Variants in INHBA observed in about 807,000 individuals in gnomAD.
INHBA encodes inhibin subunit beta A.
Under a neutral mutation model 29.0 loss-of-function variants are expected in INHBA, and 1 was observed. That is an observed-to-expected ratio of 0.03 (90% CI 0.01 to 0.16). INHBA has a LOEUF of 0.16. Among genes scored for constraint, INHBA ranks in the 10% least tolerant of loss-of-function variants. The pLI, the probability that INHBA is intolerant of heterozygous loss-of-function variation, is 1.00. For synonymous variants in INHBA, 242 were observed against 216.8 expected, an observed-to-expected ratio of 1.12 and a Z score of -1.02; for missense variants, 376 against 545.4, an observed-to-expected ratio of 0.69 and a Z score of 3.09.
chr7:41,705,051 G>A (rs1794884951), upstream of INHBA, among the ~76,000 whole-genome samples: 1 of 152,120 alleles, frequency 6.6e-6, no homozygotes, highest in South Asian at 2.1e-4. Context: ...AAATCAAGGT[G>A]GGGGTGGTGG....
chr7:41,698,025 C>T (rs537032175), intron 2 of INHBA, among the ~76,000 whole-genome samples: 2 of 152,280 alleles, frequency 1.3e-5, no homozygotes, highest in African/African-American at 2.4e-5. Context: ...TTAAACTTGA[C>T]TCAATGTGAA....
At chr7:41,701,754 A>T (rs1328196030) in intron 1 of INHBA, among the ~76,000 whole-genome samples, 1 of 152,170 alleles carries the variant, frequency 6.6e-6, no homozygotes, top group African/African-American at 2.4e-5. Context: ...CTATGGGAAA[A>T]GACTCTCTAA....
rs1341109269 is a variant in INHBA, at chr7:41,686,198, TC to T, written c.*3451del. 6.6e-6 allele frequency: 1 copy of T among 152,132 alleles called. No homozygotes were observed. The highest frequency in any genetic ancestry group is 1.5e-5 in the Non-Finnish European group (1 of 68,006). 9.4% of individuals were successfully genotyped at this position (152,132 alleles called of 1,614,324 possible). On this transcript the variant is annotated 3_prime_UTR_variant, in exon 3 of 3. Transcript: ENST00000242208. ...TCTTCTGGGATAAGAAATTCCCAAC[TC>T]AGTGTGCTGAAATTCACCTGACTTT...
At chr7:41,695,886 G>A (rs1165382408) in intron 2 of INHBA, among the ~76,000 whole-genome samples, 4 of 152,064 alleles carry the variant, frequency 2.6e-5, no homozygotes, top group African/African-American at 9.7e-5. Context: ...AGCAGAAGAG[G>A]GGCCAAGACA....
chr7:41,690,830 T>C lies in INHBA; in HGVS notation c.389-288A>G, dbSNP rs575780007. 1.5e-4 allele frequency among the ~76,000 whole-genome samples: 23 copies of C among 152,374 alleles called. No homozygotes were observed. The South Asian group carries it at 4.3e-3, about 29-fold the overall frequency. On this transcript the variant is annotated intron_variant, in intron 2 of 2. Coordinates refer to ENST00000242208, the MANE Select transcript of INHBA (RefSeq NM_002192.4). ...ATAAAGTTTTGTTGGAGCATGGTTA[T>C]GCTCATTTCTGTACATGCTGCCTAT... is the stretch of plus-strand genomic sequence containing the variant.
Position 41,685,837 on chromosome 7 carries a change from A to T in INHBA, c.*3813T>A, listed in dbSNP as rs1794383942. ...GTGATACAGGGTTTAATTTAAACAC[A>T]TACAATGTCCACCCCCAAACCTTCT... On this transcript the variant is annotated 3_prime_UTR_variant, in exon 3 of 3. Coordinates refer to ENST00000242208, the MANE Select transcript of INHBA (RefSeq NM_002192.4). The T allele has an allele frequency of 6.6e-6, 1 of 152,188 alleles. No individual in the cohort carries two copies. The highest frequency in any genetic ancestry group is 1.9e-4 in the East Asian group (1 of 5,198). The allele number at this position is 152,188 out of a possible 1,614,324, so 9.4% of individuals were successfully genotyped here.
rs1398941035 is a variant in INHBA at position 41,687,272 on chromosome 7, T to G, written c.*2378A>C. The G allele has an allele frequency of 6.6e-6, 1 of 152,196 alleles. No individual in the cohort carries two copies. Among genetic ancestry groups the G allele is most frequent in the Non-Finnish European group, 1.5e-5 (1 of 68,028 alleles). The allele number at this position is 152,196 out of a possible 1,614,324, so 9.4% of individuals were successfully genotyped here. ...TTTGGTTTCTCACTGTTATCTTCCT[T>G]TCCTATAATTAATTTATTTTAATCT... On this transcript the variant is annotated 3_prime_UTR_variant, in exon 3 of 3. Coordinates refer to ENST00000242208, the MANE Select transcript of INHBA (RefSeq NM_002192.4).
At chr7:41,699,441 TAAATA>T (rs1372014632) in intron 2 of INHBA, among the ~76,000 whole-genome samples, 2 of 152,126 alleles carry the variant, frequency 1.3e-5, no homozygotes, top group Non-Finnish European at 2.9e-5. Context: ...CTGTCACTCA[TAAATA>T]TGCCCTGCTT....
rs373207829 is a variant in INHBA at position 41,699,291 on chromosome 7, T to G, written c.388+696A>C. 8.8e-4 allele frequency among the ~76,000 whole-genome samples: 133 copies of G among 151,802 alleles called. 1 individual carries two copies. The highest frequency in any genetic ancestry group is 3.1e-3 in the African/African-American group (128 of 41,430). ...AGAACAAAACTGGTTGTTTTATTTA[T>G]TTTTTTTTCTTTCAGAGAGCAAAAG... On this transcript the variant is annotated intron_variant, in intron 2 of 2. Coordinates refer to ENST00000242208, the MANE Select transcript of INHBA (RefSeq NM_002192.4).
intron 1 of INHBA, among the ~76,000 whole-genome samples, chr7:41,701,722 C>T (rs1794801113): frequency 6.6e-6 from 1 of 152,134 alleles, no homozygotes; most frequent in Non-Finnish European, 1.5e-5. Flanking sequence ...AGAGTGCACT[C>T]GTATGACTTG....
intron 2 of INHBA, 145 bp downstream of exon 2, chr7:41,699,842 C>A (rs1794732377): frequency 3.1e-6 from 2 of 647,312 alleles, no homozygotes; most frequent in Non-Finnish European, 2.6e-6. Flanking sequence ...GTCGGCTAGT[C>A]CGCTACCATC....
chr7:41,688,046 T>A lies in INHBA; in HGVS notation c.*1604A>T, dbSNP rs776101368. The A allele has an allele frequency of 9.9e-5, 15 of 152,164 alleles. No individual in the cohort carries two copies. The highest frequency in any genetic ancestry group is 1.5e-4 in the Non-Finnish European group (10 of 68,030). 9.4% of individuals were successfully genotyped at this position (152,164 alleles called of 1,614,324 possible). ...ACTGGAATTTCCAGGCTTTTTCCCA[T>A]CCGAATTTTTGAAATGCGCCCACCT... is the stretch of plus-strand genomic sequence containing the variant. On this transcript the variant is annotated 3_prime_UTR_variant, in exon 3 of 3. Transcript: ENST00000242208.
chr7:41,692,852 GAGA>G (rs575094050), intron 2 of INHBA, among the ~76,000 whole-genome samples: 87 of 152,308 alleles, frequency 5.7e-4, no homozygotes, highest in African/African-American at 2.1e-3. Flanking sequence ...CAAAATAAAA[GAGA>G]AGAAGATTCC....
intron 2 of INHBA, among the ~76,000 whole-genome samples, chr7:41,699,261 T>C (rs887789120): frequency 5.9e-5 from 9 of 152,224 alleles, no homozygotes; most frequent in African/African-American, 1.2e-4. Flanking sequence ...TTAGTAACTT[T>C]AGAAAGAACA....
At chr7:41,702,925 C>T (rs1170437370) in intron 1 of INHBA, 80 bp downstream of exon 1, 1 of 152,122 alleles carries the variant, frequency 6.6e-6, no homozygotes, top group Non-Finnish European at 1.5e-5. Flanking sequence ...TTGGAAATGC[C>T]AATTAGTTGT....
chr7:41,702,158 A>C (rs1422034982), intron 1 of INHBA, among the ~76,000 whole-genome samples: 1 of 152,224 alleles, frequency 6.6e-6, no homozygotes, highest in Non-Finnish European at 1.5e-5. Context: ...ATAGCATTAC[A>C]GTCAAGCAAT....
intron 2 of INHBA, chr7:41,692,210 C>T (rs895552958): frequency 1.3e-5 from 2 of 152,140 alleles, no homozygotes; most frequent in Non-Finnish European, 2.9e-5. Flanking sequence ...TTTCCATGAC[C>T]GTGGACCTCC....
At chr7:41,705,311 A>C (rs1394167117), upstream of INHBA, 1 of 152,276 alleles carries the variant, frequency 6.6e-6, no homozygotes, top group Non-Finnish European at 1.5e-5. Flanking sequence ...GGCAGCTTCC[A>C]GGGATCACGC....
rs1794443465 is a variant in INHBA at position 41,689,127 on chromosome 7, TG to T, written c.*522del. The T allele has an allele frequency of 4.3e-6, 1 of 234,100 alleles. No homozygotes were observed. The highest frequency in any genetic ancestry group is 8.4e-6 in the Non-Finnish European group (1 of 118,700). The allele number at this position is 234,100 out of a possible 1,614,324, so 14.5% of individuals were successfully genotyped here. The stretch of plus-strand genomic sequence containing the variant: ...CTGTGTGTGTGTGTGTGTGTGTGTG[TG>T]TGTGTGTGTATGCTGATATACACAG... On this transcript the variant is annotated 3_prime_UTR_variant, in exon 3 of 3. Transcript: ENST00000242208.
Sources: gnomAD v4.1 joint callset for allele counts (sites outside exome capture counted in the v4.1 genomes callset) on GRCh38, gnomAD v4.1.1 for gene constraint, MANE v1.5 for transcripts, NCBI Gene and HGNC (gene_info 2026-07-23, HGNC 2026-07-21) for gene names.